The following SAGE1 variants were observed in gnomAD, a reference collection of about 807,000 sequenced individuals.
The protein encoded by SAGE1 is sarcoma antigen 1.
SAGE1 carries 55 observed loss-of-function variants against 55.4 expected under a neutral mutation model. The observed-to-expected ratio is 0.99, with a 90% CI of 0.80 to 1.24. The LOEUF (loss-of-function observed/expected upper bound fraction) is 1.24, where lower values mean the gene tolerates loss of function less well. Among genes scored for constraint, SAGE1 ranks in the 50% most tolerant of loss-of-function variants. The probability of loss-of-function intolerance (pLI) is 0.00; values close to 1 mark genes in which losing one functional copy is unlikely to be tolerated. For synonymous variants in SAGE1, 240 were observed against 244.3 expected, an observed-to-expected ratio of 0.98 and a Z score of 0.17; for missense variants, 710 against 704.4, an observed-to-expected ratio of 1.01 and a Z score of -0.09.
At chrX:135,899,374 CA>C (rs1556595285) in intron 2 of SAGE1, among the ~76,000 whole-genome samples, 1 of 111,931 alleles carries the variant, frequency 8.9e-6, no homozygotes, top group African/African-American at 3.2e-5. Context: ...CTGCCAGCAC[CA>C]TGCTGCTTTG....
rs782556186 is a variant in SAGE1, at chrX:135,908,541, C to A, written c.1365C>A (p.Asn455Lys). 8 of 1,207,287 alleles carry A rather than the reference C, an allele frequency of 6.6e-6. No homozygotes were observed. Among genetic ancestry groups the A allele is most frequent in the Non-Finnish European group, 9.0e-6 (8 of 892,507 alleles). Residue 455 changes from asparagine (N) to lysine (K), a missense_variant, in exon 12 of 20, where the codon AAC (asparagine) becomes AAA (lysine). Transcript: ENST00000370709. ...AAAATGGCCAACGAAAACAGGATAA[C>A]GTCTTGTCAAATGTTCTATCCGGGC... ...RMENGQRKQD[N>K]VLSNVLSGLI... is the part of the protein sequence containing the mutation.
At chrX:135,904,889 T>C (rs1556599382) in intron 4 of SAGE1, among the ~76,000 whole-genome samples, 1 of 111,481 alleles carries the variant, frequency 9.0e-6, no homozygotes, top group Non-Finnish European at 1.9e-5. Flanking sequence ...ACAGTGTCCA[T>C]GAGGAGGGGA....
intron 13 of SAGE1, 66 bp downstream of exon 13, chrX:135,909,070 G>T (rs2088849914): frequency 9.8e-7 from 1 of 1,017,790 alleles, no homozygotes; most frequent in Admixed American, 2.3e-5. Context: ...TTCATGAAGG[G>T]TAGATGTGGT....
At chrX:135,894,457 A>G (rs1369466561) in intron 1 of SAGE1, among the ~76,000 whole-genome samples, 4 of 112,392 alleles carry the variant, frequency 3.6e-5, no homozygotes, top group African/African-American at 1.3e-4. Context: ...AAAGTTGTTC[A>G]TAATGTATTC....
Position 135,896,320 on chromosome X carries a change from T to C in SAGE1, c.78T>C (p.Asn26=). The C allele has an allele frequency of 8.4e-7, 1 of 1,185,507 alleles. No individual in the cohort carries two copies. The highest frequency in any genetic ancestry group is 1.1e-6 in the Non-Finnish European group (1 of 872,119). ...ELHAAAYVFT[N]DGQQMRSDEV... is the part of the protein sequence containing the mutation. ...ATGCTGCTGCCTATGTGTTTACAAA[T>C]GATGGGCAGGTAAGATAACTCTTTC... The change falls in exon 2 of 20, where the codon AAT becomes AAC. Residue 26 remains asparagine (N), a synonymous_variant. Coordinates refer to ENST00000370709, the MANE Select transcript of SAGE1 (RefSeq NM_001381902.1).
intron 13 of SAGE1, among the ~76,000 whole-genome samples, chrX:135,909,209 T>A (rs2088851361): frequency 8.9e-6 from 1 of 112,126 alleles, no homozygotes; most frequent in Non-Finnish European, 1.9e-5. Context: ...AGGGCTGACA[T>A]AATGCACTTA....
At chrX:135,908,034 T>C (rs1202163526) in intron 10 of SAGE1, 55 bp from the exon 11 acceptor site, 2 of 1,172,831 alleles carry the variant, frequency 1.7e-6, no homozygotes, top group Non-Finnish European at 2.3e-6. Flanking sequence ...GGTATTCCTG[T>C]GGGATTGACA....
In SAGE1 at chrX:135,907,023, T is replaced by C. The variant is rs1387692611; in HGVS notation, c.834T>C (p.Asn278=). ...ILSTASTGLI[N]VAGAGTPAIS... is the part of the protein sequence containing the mutation. ...CAACTGCTTCAACAGGGCTTATTAA[T>C]GTGGCAGGAGCTGGTACTCCAGCCA... Residue 278 remains asparagine (N), a synonymous_variant, in exon 8 of 20, where the codon AAT becomes AAC. Coordinates refer to ENST00000370709, the MANE Select transcript of SAGE1 (RefSeq NM_001381902.1). The C allele has an allele frequency of 8.3e-7, 1 of 1,208,761 alleles. No homozygotes were observed. The highest frequency in any genetic ancestry group is 1.7e-5 in the African/African-American group (1 of 57,159).
Position 135,904,167 on chromosome X carries a change from A to C in SAGE1, c.221-310A>C, listed in dbSNP as rs187061179. The stretch of plus-strand genomic sequence containing the variant: ...ATAATGTCATTGCAACTGTTCCATC[A>C]GTGCTTATTAGTATGGCAGCAGCTG... On this transcript the variant is annotated intron_variant, in intron 3 of 19. Transcript: ENST00000370709. Among the ~76,000 whole-genome samples, 10 of 112,019 alleles carry C rather than the reference A, an allele frequency of 8.9e-5. No homozygotes were observed. In the East Asian group the frequency reaches 2.5e-3, roughly 28 times the overall value.
In SAGE1 at chrX:135,908,535, G is replaced by A. The variant is rs1203875582; in HGVS notation, c.1359G>A (p.Gln453=). Residue 453 remains glutamine (Q), a synonymous_variant, in exon 12 of 20, where the codon CAG becomes CAA. Transcript: ENST00000370709. ...GGATGGAAAATGGCCAACGAAAACAGGATAACGTCTTGTCAAATGTTCTAT... is the reference window on the plus strand; with the variant it reads ...GGATGGAAAATGGCCAACGAAAACAAGATAACGTCTTGTCAAATGTTCTAT... ...EARMENGQRK[Q]DNVLSNVLSG... 32 of 1,205,250 alleles carry A rather than the reference G, an allele frequency of 2.7e-5. No homozygotes were observed. Among genetic ancestry groups the A allele is most frequent in the Non-Finnish European group, 3.6e-5 (32 of 892,637 alleles).
rs1428582622 is a variant in SAGE1, at chrX:135,896,008, C to T, written c.1-235C>T. On this transcript the variant is annotated intron_variant, in intron 1 of 19. Transcript: ENST00000370709. The stretch of plus-strand genomic sequence containing the variant: ...AGGAAGTAGTGATGGTGGACTGAGT[C>T]ATGACTTAGGTAAAGGGAGATGATT... 1.3e-4 allele frequency among the ~76,000 whole-genome samples: 14 copies of T among 110,953 alleles called. No individual in the cohort carries two copies. The Admixed American group carries it at 1.3e-3, about 11-fold the overall frequency.
chrX:135,912,992 A>C lies in SAGE1; in HGVS notation c.*95A>C. On this transcript the variant is annotated 3_prime_UTR_variant, in exon 20 of 20. Transcript: ENST00000370709. ...CTCCCTATAATCCTGAAATGAAGAG[A>C]ATTCCCTTCCAGAAGCTACGAAAAA... 2 of 558,535 alleles carry C rather than the reference A, an allele frequency of 3.6e-6. No homozygotes were observed. Among genetic ancestry groups the C allele is most frequent in the Non-Finnish European group, 5.7e-6 (2 of 348,731 alleles). The allele number at this position is 558,535 out of a possible 1,213,427, so 46.0% of individuals were successfully genotyped here.
rs1556602796 is a variant in SAGE1 at position 135,907,761 on chromosome X, G to T, written c.1079G>T (p.Ser360Ile). ...ERVVNNQPLP[S>I]NALSTVLPGL... ...GTGGTAAATAACCAACCACTACCTAGTAACGCCTTGTCAACTGTTCTACCA... is the reference window on the plus strand; with the variant it reads ...GTGGTAAATAACCAACCACTACCTATTAACGCCTTGTCAACTGTTCTACCA... Residue 360 changes from serine to isoleucine, a missense_variant, in exon 10 of 20, where the codon AGT (serine) becomes ATT (isoleucine). Coordinates refer to ENST00000370709, the MANE Select transcript of SAGE1 (RefSeq NM_001381902.1). The T allele has an allele frequency of 1.7e-6, 2 of 1,207,554 alleles. No homozygotes were observed. Among genetic ancestry groups the T allele is most frequent in the Admixed American group, 4.4e-5 (2 of 45,899 alleles).
In SAGE1 at chrX:135,908,961, T is replaced by TA; in HGVS notation, c.1540dup (p.Met514AsnfsTer24). On this transcript the variant is annotated frameshift_variant, in exon 13 of 20. Transcript: ENST00000370709. LOFTEE classifies it high-confidence loss of function. ...CAAATGATGCACCACAGCTTGGTCATATGGCTGCAGGTGGTATTCCATCCA... is the reference window on the plus strand; with the variant it reads ...CAAATGATGCACCACAGCTTGGTCATAATGGCTGCAGGTGGTATTCCATCCA... 8.3e-7 allele frequency: 1 copy of TA among 1,210,064 alleles called. No homozygotes were observed.
Position 135,911,581 on chromosome X carries a change from G to T in SAGE1, c.2149G>T (p.Ala717Ser), listed in dbSNP as rs782440600. ...CAATTTTTTCATTTGGATTCCAGATGCTACTGTCATTCACGATATCCAGGA... is the reference window on the plus strand; with the variant it reads ...CAATTTTTTCATTTGGATTCCAGATTCTACTGTCATTCACGATATCCAGGA... ...ISCRSTRDLYATVIHDIQEEE... is the reference protein window; with the variant it reads ...ISCRSTRDLYSTVIHDIQEEE... Residue 717 changes from alanine (A) to serine (S), a missense_variant and splice_region_variant, in exon 18 of 20, where the codon GCT becomes TCT. Physicochemically the swap from Ala to Ser is moderately conservative, Grantham distance 99. Coordinates refer to ENST00000370709, the MANE Select transcript of SAGE1 (RefSeq NM_001381902.1). 8.4e-7 allele frequency: 1 copy of T among 1,187,326 alleles called. No individual in the cohort carries two copies. Among genetic ancestry groups the T allele is most frequent in the South Asian group, 1.8e-5 (1 of 55,249 alleles).
rs1365507340 is a variant in SAGE1, at chrX:135,908,960, A to G, written c.1538A>G (p.His513Arg). The change falls in exon 13 of 20, where the codon CAT (histidine) becomes CGT (arginine). Residue 513 changes from histidine to arginine, a missense_variant. Transcript: ENST00000370709. Reference sequence around the variant, plus strand: ...TCAAATGATGCACCACAGCTTGGTCATATGGCTGCAGGTGGTATTCCATCC... The same window carrying G: ...TCAAATGATGCACCACAGCTTGGTCGTATGGCTGCAGGTGGTATTCCATCC... ...VISNDAPQLG[H>R]MAAGGIPSMS... The G allele has an allele frequency of 6.6e-6, 8 of 1,207,971 alleles. No individual in the cohort carries two copies. The highest frequency in any genetic ancestry group is 9.0e-6 in the Non-Finnish European group (8 of 893,550).
rs782772798 is a variant in SAGE1, at chrX:135,912,308, A to T, written c.2522-13A>T. On this transcript the variant is annotated splice_polypyrimidine_tract_variant and intron_variant, in intron 18 of 19. Transcript: ENST00000370709. The stretch of plus-strand genomic sequence containing the variant: ...TGTAATTGTAGAAATACTAATTTTT[A>T]AAATATCTTCAGATTATGAAAGAAT... 8.5e-7 allele frequency: 1 copy of T among 1,181,412 alleles called. No homozygotes were observed. The highest frequency in any genetic ancestry group is 2.6e-5 in the Admixed American group (1 of 38,724).
intron 2 of SAGE1, among the ~76,000 whole-genome samples, chrX:135,896,864 G>A (rs1442708856): frequency 9.0e-6 from 1 of 111,365 alleles, no homozygotes; most frequent in Non-Finnish European, 1.9e-5. Flanking sequence ...TGGCCGAACT[G>A]ATGTTTTTAA....
chrX:135,902,869 C>T (rs1276010487), intron 3 of SAGE1, among the ~76,000 whole-genome samples: 1 of 112,012 alleles, frequency 8.9e-6, no homozygotes, highest in Admixed American at 9.5e-5. Flanking sequence ...TGATCTGTCT[C>T]CAGGCTAGTA....
Sources: allele counts gnomAD v4.1 joint callset (sites outside exome capture counted in the v4.1 genomes callset), GRCh38; gene constraint gnomAD v4.1.1; transcripts MANE v1.5; gene names NCBI Gene and HGNC (gene_info 2026-07-23, HGNC 2026-07-21).